CTNNA3: variants seen among roughly 807,000 people sequenced by gnomAD.
CTNNA3 encodes catenin alpha-3.
In CTNNA3, 76 loss-of-function variants were observed where a neutral mutation model predicts 95.7. The ratio of observed to expected loss-of-function variants is 0.79; its 90% CI spans 0.66 to 0.96. CTNNA3 has a LOEUF of 0.96. Among genes scored for constraint, CTNNA3 ranks in the 40% least tolerant of loss-of-function variants. CTNNA3 has a pLI of 0.00. For synonymous variants in CTNNA3, 431 were observed against 374.4 expected (o/e 1.15, Z -1.74); for missense variants, 1,191 against 1,089.8 (o/e 1.09, Z -1.31).
intron 6 of CTNNA3, among the ~76,000 whole-genome samples, chr10:67,186,134 T>C (rs1862835695): frequency 1.3e-5 from 2 of 152,196 alleles, no homozygotes; most frequent in Non-Finnish European, 1.5e-5. Flanking sequence ...TGCTCTTTAA[T>C]TGCTCTAATG....
chr10:66,172,088 T>C (rs1392556168), intron 13 of CTNNA3, among the ~76,000 whole-genome samples: 1 of 152,152 alleles, frequency 6.6e-6, no homozygotes, highest in African/African-American at 2.4e-5. Context: ...GCTTGTCCTT[T>C]GTTGCCCTGA....
chr10:66,754,754 G>C (rs1233491873), intron 9 of CTNNA3, among the ~76,000 whole-genome samples: 1 of 152,046 alleles, frequency 6.6e-6, no homozygotes, highest in Non-Finnish European at 1.5e-5. Flanking sequence ...AAAATATAGA[G>C]AAAAGCCACT....
chr10:66,845,754 T>TACAAACACACAC (rs1843246495), intron 7 of CTNNA3, among the ~76,000 whole-genome samples: 1 of 108,632 alleles, frequency 9.2e-6, no homozygotes. Flanking sequence ...TATATATACA[T>TACAAACACACAC]ACACACACAC....
intron 15 of CTNNA3, among the ~76,000 whole-genome samples, chr10:66,035,884 A>C (rs951529980): frequency 3.3e-5 from 5 of 152,176 alleles, no homozygotes; most frequent in Admixed American, 2.0e-4. Flanking sequence ...TATCAACAGA[A>C]GTTTTCTAAG....
intron 17 of CTNNA3, among the ~76,000 whole-genome samples, chr10:65,930,139 A>C (rs1277115494): frequency 1.4e-5 from 2 of 142,074 alleles, no homozygotes; most frequent in Non-Finnish European, 3.1e-5. Context: ...TTTTCAAAAT[A>C]GTGTGAGGTC....
intron 15 of CTNNA3, among the ~76,000 whole-genome samples, chr10:66,008,256 T>C (rs530105556): frequency 6.6e-6 from 1 of 152,210 alleles, no homozygotes; most frequent in Non-Finnish European, 1.5e-5. Context: ...ACTCTGAATA[T>C]AATTCAAATC....
chr10:66,745,251 G>A (rs1482942126), intron 9 of CTNNA3, among the ~76,000 whole-genome samples: 1 of 152,126 alleles, frequency 6.6e-6, no homozygotes, highest in Non-Finnish European at 1.5e-5. Flanking sequence ...TAACCACATA[G>A]GTTCTAAATA....
chr10:66,826,315 C>T (rs1417972998), intron 7 of CTNNA3, among the ~76,000 whole-genome samples: 6 of 152,200 alleles, frequency 3.9e-5, no homozygotes, highest in Admixed American at 6.5e-5. Context: ...CTTGCCCTGT[C>T]GCCCAGGCTA....
chr10:66,745,431 G>A (rs1838822191), intron 9 of CTNNA3, among the ~76,000 whole-genome samples: 1 of 152,066 alleles, frequency 6.6e-6, no homozygotes, highest in African/African-American at 2.4e-5. Flanking sequence ...ATATCTAAAG[G>A]ACTAAAGTTT....
intron 13 of CTNNA3, among the ~76,000 whole-genome samples, chr10:66,118,691 A>G (rs2133808094): frequency 6.6e-6 from 1 of 152,188 alleles, no homozygotes; most frequent in East Asian, 1.9e-4. Flanking sequence ...AGTAATAATC[A>G]TTTGTCTCTG....
intron 5 of CTNNA3, among the ~76,000 whole-genome samples, chr10:67,402,668 C>T (rs1215965318): frequency 6.6e-6 from 1 of 152,154 alleles, no homozygotes; most frequent in Non-Finnish European, 1.5e-5. Flanking sequence ...AGTGAATGTG[C>T]CACCCTGGGA....
At chr10:66,306,297 AAGAC>A (rs1266622151) in intron 12 of CTNNA3, among the ~76,000 whole-genome samples, 1 of 152,138 alleles carries the variant, frequency 6.6e-6, no homozygotes, top group African/African-American at 2.4e-5. Context: ...TCCTCATCTA[AAGAC>A]AGACAGTTTA....
intron 7 of CTNNA3, among the ~76,000 whole-genome samples, chr10:66,787,460 G>T (rs1431131560): frequency 6.6e-6 from 1 of 152,106 alleles, no homozygotes; most frequent in African/African-American, 2.4e-5. Context: ...CTTATTCACA[G>T]CTTTATCTCT....
intron 10 of CTNNA3, among the ~76,000 whole-genome samples, chr10:66,547,339 C>CTTTTT (rs1842066026): frequency 3.1e-4 from 3 of 9,580 alleles, no homozygotes; most frequent in South Asian, 6.7e-3. Flanking sequence ...TTTGATTTTT[C>CTTTTT]TTTCTTTCTT....
At chr10:66,823,060 G>T (rs1481286671) in intron 7 of CTNNA3, among the ~76,000 whole-genome samples, 1 of 152,160 alleles carries the variant, frequency 6.6e-6, no homozygotes, top group Non-Finnish European at 1.5e-5. Flanking sequence ...TCCTGGCAGG[G>T]GGCCTGCAAC....
At chr10:66,207,018 A>G (rs1210256757) in intron 13 of CTNNA3, among the ~76,000 whole-genome samples, 1 of 151,928 alleles carries the variant, frequency 6.6e-6, no homozygotes, top group Non-Finnish European at 1.5e-5. Flanking sequence ...GTGCATGTAT[A>G]TTCAGTTGCC....
intron 1 of CTNNA3, among the ~76,000 whole-genome samples, chr10:67,743,914 A>G (rs1216521973): frequency 6.6e-6 from 1 of 151,228 alleles, no homozygotes; most frequent in African/African-American, 2.4e-5. Context: ...TGCTTCAAAG[A>G]GAATAAAATA....
chr10:66,984,349 A>T (rs886459288), intron 7 of CTNNA3, among the ~76,000 whole-genome samples: 1 of 152,214 alleles, frequency 6.6e-6, no homozygotes, highest in Admixed American at 6.6e-5. Context: ...AATACAACAA[A>T]TTAGAGTGAT....
chr10:66,360,871 T>C (rs1366344359), intron 12 of CTNNA3, among the ~76,000 whole-genome samples: 1 of 144,236 alleles, frequency 6.9e-6, no homozygotes, highest in Non-Finnish European at 1.5e-5. Flanking sequence ...TCTCTTTCTT[T>C]TTCTTTCTTT....
Sources: gnomAD v4.1 joint callset for allele counts (sites outside exome capture counted in the v4.1 genomes callset) on GRCh38, gnomAD v4.1.1 for gene constraint, MANE v1.5 for transcripts, NCBI Gene and HGNC (gene_info 2026-07-23, HGNC 2026-07-21) for gene names.